Variants in TRRAP observed in about 807,000 individuals in gnomAD.
The protein encoded by TRRAP is transformation/transcription domain associated protein.
In TRRAP, 41 loss-of-function variants were observed where a neutral mutation model predicts 438.8. The ratio of observed to expected loss-of-function variants is 0.09; its 90% CI spans 0.07 to 0.12. The LOEUF is 0.12. Ranked by LOEUF, TRRAP falls within the 10% of genes least tolerant of loss-of-function variation. The pLI, the probability that TRRAP is intolerant of heterozygous loss-of-function variation, is 1.00. For missense variants in TRRAP, 3,122 were observed against 5,055.1 expected (o/e 0.62, Z 11.60); for synonymous variants, 1,994 against 1,962.9 (o/e 1.02, Z -0.42).
Position 98,976,087 on chromosome 7 carries a change from C to T in TRRAP, c.7840-62C>T, listed in dbSNP as rs1298813515. The T allele has an allele frequency of 4.5e-5, 72 of 1,597,740 alleles. No individual in the cohort carries two copies. Among genetic ancestry groups the T allele is most frequent in the Middle Eastern group, 1.8e-4 (1 of 5,526 alleles). Reference sequence around the variant, plus strand: ...AGACAGATCATGGGTGTCTTCTGAGCGTGGTTGTGCGAGGCACCCCCAGCC... The same window carrying T: ...AGACAGATCATGGGTGTCTTCTGAGTGTGGTTGTGCGAGGCACCCCCAGCC... On this transcript the variant is annotated intron_variant, in intron 53 of 72. Transcript: ENST00000456197. This position sits in a 1 kb window ranked among gnomAD's most constrained non-coding sequence, Gnocchi z 4.6.
chr7:98,941,631 G>A (rs1584339341), intron 30 of TRRAP, among the ~76,000 whole-genome samples: 1 of 152,198 alleles, frequency 6.6e-6, no homozygotes, highest in South Asian at 2.1e-4. Context: ...TGTGTAAGGA[G>A]CCATTCTGGT....
At position 98,981,743 on chromosome 7, in the gene TRRAP, CCTGTGTCACGTT is replaced by C; in HGVS notation, c.8635-23_8635-12del. On this transcript the variant is annotated splice_polypyrimidine_tract_variant and intron_variant, in intron 58 of 72. Coordinates refer to ENST00000456197, the MANE Select transcript of TRRAP (RefSeq NM_001375524.1). Reference sequence around the variant, plus strand: ...CTGAGGGAAAGAAGGCCCCTCACGTCCTGTGTCACGTTCTTTCACTGCCAGGTGGAAGTGAGC... The same window carrying C: ...CTGAGGGAAAGAAGGCCCCTCACGTCCTTTCACTGCCAGGTGGAAGTGAGC... 1 of 1,586,574 alleles carries C rather than the reference CCTGTGTCACGTT, an allele frequency of 6.3e-7. No homozygotes were observed. The highest frequency in any genetic ancestry group is 8.6e-7 in the Non-Finnish European group (1 of 1,168,548).
At chr7:98,945,401 A>G (rs1248244781) in intron 31 of TRRAP, among the ~76,000 whole-genome samples, 1 of 152,206 alleles carries the variant, frequency 6.6e-6, no homozygotes, top group Non-Finnish European at 1.5e-5. Context: ...AGCCCTTCAT[A>G]TAAAATTTGT....
rs1584409090 is a variant in TRRAP, at chr7:98,999,509, C to A, written c.10309+4661C>A. 26 of 744,910 alleles carry A rather than the reference C, an allele frequency of 3.5e-5. No individual in the cohort carries two copies. In the East Asian group the frequency reaches 6.1e-4, roughly 18 times the overall value. 46.1% of individuals were successfully genotyped at this position (744,910 alleles called of 1,614,324 possible). ...CTTATCGTGAGCTCAGAGGGAGAGACAATATTGGGGTGCACCAGGGTCTCT... is the reference window on the plus strand; with the variant it reads ...CTTATCGTGAGCTCAGAGGGAGAGAAAATATTGGGGTGCACCAGGGTCTCT... On this transcript the variant is annotated intron_variant, in intron 67 of 72. Coordinates refer to ENST00000456197, the MANE Select transcript of TRRAP (RefSeq NM_001375524.1).
At chr7:98,984,423 A>G (rs1428175747) in intron 61 of TRRAP, 65 bp downstream of exon 61, 10 of 1,474,170 alleles carry the variant, frequency 6.8e-6, no homozygotes, top group South Asian at 4.4e-5. Context: ...GAATGAGGCA[A>G]TGTGGGGTCT....
At chr7:98,961,569 G>A in intron 46 of TRRAP, 95 bp downstream of exon 46, 1 of 1,438,784 alleles carries the variant, frequency 7.0e-7, no homozygotes, top group Non-Finnish European at 9.5e-7. Context: ...ATTGTGTCGA[G>A]CGCTTTGTTA....
chr7:98,995,793 T>C (rs1423706852), intron 67 of TRRAP, among the ~76,000 whole-genome samples: 1 of 148,320 alleles, frequency 6.7e-6, no homozygotes, highest in Non-Finnish European at 1.5e-5. Context: ...ATCACTCCCA[T>C]GTCCCATCTA....
chr7:98,990,517 C>T lies in TRRAP; in HGVS notation c.9654C>T (p.Tyr3218=), dbSNP rs375204476. 2 of 1,614,052 alleles carry T rather than the reference C, an allele frequency of 1.2e-6. No homozygotes were observed. Among genetic ancestry groups the T allele is most frequent in the African/African-American group, 2.7e-5 (2 of 74,928 alleles). Reference sequence around the variant, plus strand: ...CTTTGGCAGATGCCGTCGACAAGTACTGCATTGGTGTGCCACCCATCCAGT... The same window carrying T: ...CTTTGGCAGATGCCGTCGACAAGTATTGCATTGGTGTGCCACCCATCCAGT... ...KNTLADAVDK[Y]CIGVPPIQWL... Residue 3218 remains tyrosine, a synonymous_variant, in exon 64 of 73, where the codon TAC becomes TAT. Transcript: ENST00000456197.
intron 65 of TRRAP, among the ~76,000 whole-genome samples, chr7:98,992,966 TAG>T (rs1793495170): frequency 2.6e-5 from 4 of 152,232 alleles, no homozygotes; most frequent in South Asian, 2.1e-4. Context: ...AGACTAAGTG[TAG>T]AGAGGTAAAT....
At chr7:98,907,151 C>T (rs1192492891) in intron 13 of TRRAP, among the ~76,000 whole-genome samples, 3 of 151,982 alleles carry the variant, frequency 2.0e-5, no homozygotes, top group Admixed American at 2.0e-4. Flanking sequence ...TGAAGAAACC[C>T]CTTCTCTACT....
rs575560233 is a variant in TRRAP, at chr7:98,907,033, A to G, written c.1115+778A>G. ...TTCTTACACTTAAAAAAAAAAAAAAAGTAGTTGTGGCCAGGCACGGTGGCT... is the reference window on the plus strand; with the variant it reads ...TTCTTACACTTAAAAAAAAAAAAAAGGTAGTTGTGGCCAGGCACGGTGGCT... On this transcript the variant is annotated intron_variant, in intron 13 of 72. Transcript: ENST00000456197. Among the ~76,000 whole-genome samples the G allele has an allele frequency of 2.7e-3, 407 of 151,136 alleles. 3 individuals are homozygous for G. The highest frequency in any genetic ancestry group is 9.2e-3 in the South Asian group (44 of 4,784).
chr7:98,888,620 G>A (rs1361085264), intron 3 of TRRAP, among the ~76,000 whole-genome samples: 4 of 152,182 alleles, frequency 2.6e-5, no homozygotes, highest in Non-Finnish European at 5.9e-5. Context: ...TTTTACACTC[G>A]TGCTTTCTCT....
rs983413015 is a variant in TRRAP at position 98,900,630 on chromosome 7, T to G, written c.807T>G (p.His269Gln). 8.1e-6 allele frequency: 13 copies of G among 1,610,152 alleles called. No homozygotes were observed. Among genetic ancestry groups the G allele is most frequent in the Admixed American group, 5.1e-5 (3 of 58,918 alleles). ...AIQVSAQARQ[H>Q]KLYNKELYAD... ...TTGTTCTCTTCTTATTCAGGCAACA[T>G]AAGCTTTACAACAAGGAGTTGTATG... The change falls in exon 11 of 73, where the codon CAT (histidine) becomes CAG (glutamine). Residue 269 changes from histidine to glutamine, a missense_variant. By Grantham distance (24) the His-to-Gln change is conservative (BLOSUM62 0). This residue lies in a region of TRRAP where 343 missense variants were observed against 564.0 expected (regional missense o/e 0.61). Coordinates refer to ENST00000456197, the MANE Select transcript of TRRAP (RefSeq NM_001375524.1).
chr7:98,904,280 C>G (rs528296516), intron 12 of TRRAP, among the ~76,000 whole-genome samples: 1 of 151,862 alleles, frequency 6.6e-6, no homozygotes, highest in African/African-American at 2.4e-5. Context: ...TCAGGAGATC[C>G]TGACCATCCT....
At chr7:98,905,623 A>G (rs1312181871) in intron 12 of TRRAP, among the ~76,000 whole-genome samples, 2 of 152,214 alleles carry the variant, frequency 1.3e-5, no homozygotes, top group East Asian at 1.9e-4. Context: ...ACCTGCAGGA[A>G]TAGAGCAAGA....
intron 8 of TRRAP, 137 bp downstream of exon 8, chr7:98,898,003 C>G: frequency 7.2e-7 from 1 of 1,384,432 alleles, no homozygotes; most frequent in Non-Finnish European, 1.0e-6. Flanking sequence ...ATCACTGGTC[C>G]TTCTCTGCAG....
At chr7:98,962,922 T>C in intron 47 of TRRAP, among the ~76,000 whole-genome samples, 1 of 152,184 alleles carries the variant, frequency 6.6e-6, no homozygotes, top group East Asian at 1.9e-4. Context: ...GTCAGATTTA[T>C]AGATGTGCCC....
At chr7:98,974,023 G>T (rs1393203396) in intron 53 of TRRAP, among the ~76,000 whole-genome samples, 1 of 152,198 alleles carries the variant, frequency 6.6e-6, no homozygotes, top group African/African-American at 2.4e-5. Context: ...CTGAGAGCCT[G>T]CTCTGTGTCA....
At chr7:98,889,731 T>A (rs6956147) in intron 3 of TRRAP, among the ~76,000 whole-genome samples, 106,358 of 151,576 alleles carry the variant, frequency 0.7, 41,816 homozygotes, top group South Asian at 0.88. Flanking sequence ...TAAAAAAAAT[T>A]TTTTGTAGAG....
Sources: gnomAD v4.1 joint callset for allele counts (sites outside exome capture counted in the v4.1 genomes callset) on GRCh38, gnomAD v4.1.1 for gene constraint, gnomAD v4.1.1 regional missense constraint, Gnocchi (gnomAD v3.1) non-coding constraint, MANE v1.5 for transcripts, NCBI Gene and HGNC (gene_info 2026-07-23, HGNC 2026-07-21) for gene names.